The following CMTM3 variants were observed in gnomAD, a reference collection of about 807,000 sequenced individuals.
CMTM3 encodes CKLF like MARVEL transmembrane domain containing 3, also known as CKLF-like MARVEL transmembrane domain-containing protein 3.
Under a neutral mutation model 18.2 loss-of-function variants are expected in CMTM3, and 7 were observed. That is an observed-to-expected ratio of 0.38 (90% CI 0.22 to 0.72). The LOEUF (loss-of-function observed/expected upper bound fraction) is 0.72. Among genes scored for constraint, CMTM3 ranks in the 30% least tolerant of loss-of-function variants. The pLI is 0.46. For missense variants in CMTM3, 227 were observed against 249.2 expected (o/e 0.91, Z 0.60); for synonymous variants, 109 against 111.2 (o/e 0.98, Z 0.12).
rs745992939 is a variant in CMTM3 at position 66,612,669 on chromosome 16, A to G, written c.*32A>G. ...GGCGGGTGCCTTGGCAACCTGAGCC[A>G]CACAGGCCTCCACCCCTGCGCCTCA... On this transcript the variant is annotated 3_prime_UTR_variant, in exon 5 of 5. Transcript: ENST00000567572. The surrounding 1 kb of genome is among the most constrained non-coding windows in gnomAD (Gnocchi z 6.0). The G allele has an allele frequency of 1.4e-5, 22 of 1,611,542 alleles. No homozygotes were observed. Among genetic ancestry groups the G allele is most frequent in the Non-Finnish European group, 1.7e-5 (20 of 1,178,176 alleles).
rs2015079581 is a variant in CMTM3, at chr16:66,604,972, C to T, written c.147+20C>T. 2 of 1,475,326 alleles carry T rather than the reference C, an allele frequency of 1.4e-6. No homozygotes were observed. Among genetic ancestry groups the T allele is most frequent in the Non-Finnish European group, 1.8e-6 (2 of 1,121,598 alleles). 91.4% of individuals were successfully genotyped at this position (1,475,326 alleles called of 1,614,324 possible). ...GAGTCGGTGAGTGCGGCGGGACCCT[C>T]GGCCGCCCCGCTAGGACTGCGCGGC... On this transcript the variant is annotated intron_variant, in intron 1 of 4. Transcript: ENST00000567572.
Position 66,608,508 on chromosome 16 carries a change from T to G in CMTM3, c.303+44T>G, listed in dbSNP as rs1487620082. The G allele has an allele frequency of 6.2e-7, 1 of 1,603,864 alleles. No individual in the cohort carries two copies. The highest frequency in any genetic ancestry group is 8.5e-7 in the Non-Finnish European group (1 of 1,175,324). ...GGAGGGAGGGGTGCCCTGCACAAAGTGGCCAGATGAGGAGTCCAGAGTCGT... is the reference window on the plus strand; with the variant it reads ...GGAGGGAGGGGTGCCCTGCACAAAGGGGCCAGATGAGGAGTCCAGAGTCGT... On this transcript the variant is annotated intron_variant, in intron 2 of 4. Coordinates refer to ENST00000567572, the MANE Select transcript of CMTM3 (RefSeq NM_181553.4). The surrounding 1 kb of genome is among the most constrained non-coding windows in gnomAD (Gnocchi z 5.1).
Position 66,608,196 on chromosome 16 carries a change from T to G in CMTM3, c.148-113T>G. On this transcript the variant is annotated intron_variant, in intron 1 of 4. Transcript: ENST00000567572. The surrounding 1 kb of genome is among the most constrained non-coding windows in gnomAD (Gnocchi z 5.1). ...TTCCCAGCTGCGGGACTGTGAGCAGTTGGCTTCCCCTGCTGGAACCTCCTC... is the reference window on the plus strand; with the variant it reads ...TTCCCAGCTGCGGGACTGTGAGCAGGTGGCTTCCCCTGCTGGAACCTCCTC... 1 of 1,167,296 alleles carries G rather than the reference T, an allele frequency of 8.6e-7. No individual in the cohort carries two copies. Among genetic ancestry groups the G allele is most frequent in the Non-Finnish European group, 1.2e-6 (1 of 809,900 alleles). The allele number at this position is 1,167,296 out of a possible 1,614,324, so 72.3% of individuals were successfully genotyped here.
At position 66,612,602 on chromosome 16, in the gene CMTM3, C is replaced by A. The variant is rs1162825937; in HGVS notation, c.521-7C>A. 7.4e-6 allele frequency: 12 copies of A among 1,613,918 alleles called. No homozygotes were observed. Among genetic ancestry groups the A allele is most frequent in the Non-Finnish European group, 9.3e-6 (11 of 1,179,986 alleles). ...CCTGCCAAGCATCCTCTCTGCTTTC[C>A]TTTCAGAAGAGAATTCCGACTCGGA... On this transcript the variant is annotated splice_region_variant and splice_polypyrimidine_tract_variant and intron_variant, in intron 4 of 4. Coordinates refer to ENST00000567572, the MANE Select transcript of CMTM3 (RefSeq NM_181553.4). The surrounding 1 kb of genome is among the most constrained non-coding windows in gnomAD (Gnocchi z 6.0).
rs2015427541 is a variant in CMTM3 at position 66,612,711 on chromosome 16, TG to T, written c.*76del. 6.1e-6 allele frequency: 9 copies of T among 1,467,408 alleles called. No individual in the cohort carries two copies. The South Asian group carries it at 8.1e-5, about 13-fold the overall frequency. 90.9% of individuals were successfully genotyped at this position (1,467,408 alleles called of 1,614,324 possible). ...TGCGCCTCACAGGGGTCGCTGGCGT[TG>T]GAGCGGAGGCCTGGACTTCTGAGTT... On this transcript the variant is annotated 3_prime_UTR_variant, in exon 5 of 5. Transcript: ENST00000567572. The surrounding 1 kb of genome is among the most constrained non-coding windows in gnomAD (Gnocchi z 6.0).
At chr16:66,611,361 G>A (rs907550002) in intron 4 of CMTM3, among the ~76,000 whole-genome samples, 1 of 152,104 alleles carries the variant, frequency 6.6e-6, no homozygotes, top group Non-Finnish European at 1.5e-5. Flanking sequence ...GCTGAGGCAG[G>A]AGAATCACCT....
In CMTM3 at chr16:66,613,010, TG is replaced by T; in HGVS notation, c.*374del. On this transcript the variant is annotated 3_prime_UTR_variant, in exon 5 of 5. Transcript: ENST00000567572. ...TAGGTGGCGGGGGTCGGGGGTCTTC[TG>T]TTTCACTAACAGGAACAAAGACAGA... is the stretch of plus-strand genomic sequence containing the variant. 1 of 702,092 alleles carries T rather than the reference TG, an allele frequency of 1.4e-6. No individual in the cohort carries two copies. Among genetic ancestry groups the T allele is most frequent in the Non-Finnish European group, 2.6e-6 (1 of 384,296 alleles). 43.5% of individuals were successfully genotyped at this position (702,092 alleles called of 1,614,324 possible).
Position 66,609,356 on chromosome 16 carries a change from C to T in CMTM3, c.304-79C>T, listed in dbSNP as rs768288339. ...CAGGTGCTAGGCCTGGGGCTGGGAA[C>T]ACGACCAGGCTGCCAGGCCTCCTCC... is the stretch of plus-strand genomic sequence containing the variant. On this transcript the variant is annotated intron_variant, in intron 2 of 4. Transcript: ENST00000567572. The surrounding 1 kb of genome is among the most constrained non-coding windows in gnomAD (Gnocchi z 4.4). The T allele has an allele frequency of 1.5e-6, 2 of 1,294,742 alleles. No individual in the cohort carries two copies. The highest frequency in any genetic ancestry group is 2.2e-6 in the Non-Finnish European group (2 of 918,090). 80.2% of individuals were successfully genotyped at this position (1,294,742 alleles called of 1,614,324 possible).
chr16:66,604,906 G>A lies in CMTM3; in HGVS notation c.101G>A (p.Arg34Gln). ...GGGCTCCGCGCCCTGCTGCCGGCGC[G>A]GGCTTTCCTCTGCTCTCTCAAAGGC... ...VPGLRALLPA[R>Q]AFLCSLKGRL... Residue 34 changes from arginine to glutamine, a missense_variant, in exon 1 of 5, where the codon CGG (arginine) becomes CAG (glutamine). Transcript: ENST00000567572. 3 of 1,464,808 alleles carry A rather than the reference G, an allele frequency of 2.0e-6. No homozygotes were observed. Among genetic ancestry groups the A allele is most frequent in the South Asian group, 1.3e-5 (1 of 75,808 alleles). 90.7% of individuals were successfully genotyped at this position (1,464,808 alleles called of 1,614,324 possible). A position where few individuals can be genotyped will look rare whatever the true frequency, so the allele number is the denominator to read the frequency against.
In CMTM3 at chr16:66,608,138, G is replaced by A. The variant is rs2015229715; in HGVS notation, c.148-171G>A. On this transcript the variant is annotated intron_variant, in intron 1 of 4. Transcript: ENST00000567572. The surrounding 1 kb of genome is among the most constrained non-coding windows in gnomAD (Gnocchi z 5.1). ...TAGGATTACAGGTGTGAGCCACTGT[G>A]CTTGGCCTGGGATTCTAATCTGGCT... Among the ~76,000 whole-genome samples, 1 of 152,220 alleles carries A rather than the reference G, an allele frequency of 6.6e-6. No homozygotes were observed. The highest frequency in any genetic ancestry group is 1.5e-5 in the Non-Finnish European group (1 of 68,044).
Position 66,612,694 on chromosome 16 carries a change from A to ACAGGGGTCGCTGGC in CMTM3, c.*58_*71dup. ...ACACAGGCCTCCACCCCTGCGCCTC[A>ACAGGGGTCGCTGGC]CAGGGGTCGCTGGCGTTGGAGCGGA... is the stretch of plus-strand genomic sequence containing the variant. On this transcript the variant is annotated 3_prime_UTR_variant, in exon 5 of 5. Transcript: ENST00000567572. This position sits in a 1 kb window ranked among gnomAD's most constrained non-coding sequence, Gnocchi z 6.0. 2 of 1,557,280 alleles carry ACAGGGGTCGCTGGC rather than the reference A, an allele frequency of 1.3e-6. No individual in the cohort carries two copies. The highest frequency in any genetic ancestry group is 1.8e-6 in the Non-Finnish European group (2 of 1,130,782).
intron 1 of CMTM3, among the ~76,000 whole-genome samples, chr16:66,607,655 G>A (rs534865557): frequency 2.6e-5 from 4 of 152,190 alleles, no homozygotes; most frequent in East Asian, 1.9e-4. Flanking sequence ...TTACTTTTTG[G>A]AAACTGGTTC....
At position 66,605,039 on chromosome 16, in the gene CMTM3, G is replaced by A; in HGVS notation, c.147+87G>A. 3.3e-6 allele frequency: 4 copies of A among 1,229,160 alleles called. No homozygotes were observed. The highest frequency in any genetic ancestry group is 4.2e-6 in the Non-Finnish European group (4 of 953,194). 76.1% of individuals were successfully genotyped at this position (1,229,160 alleles called of 1,614,324 possible). A position where few individuals can be genotyped will look rare whatever the true frequency, so the allele number is the denominator to read the frequency against. On this transcript the variant is annotated intron_variant, in intron 1 of 4. Transcript: ENST00000567572. This position sits in a 1 kb window ranked among gnomAD's most constrained non-coding sequence, Gnocchi z 4.6. ...CGTCGGGGCGCGGGTGGGGTCCGGG[G>A]GCGGCCGCCGTGCTCCGATACCCCC...
In CMTM3 at chr16:66,608,535, C is replaced by A; in HGVS notation, c.303+71C>A. ...GCCAGATGAGGAGTCCAGAGTCGTG[C>A]ACTTGGGCCCTTATCCTTTCTCTAG... On this transcript the variant is annotated intron_variant, in intron 2 of 4. Transcript: ENST00000567572. This position sits in a 1 kb window ranked among gnomAD's most constrained non-coding sequence, Gnocchi z 5.1. 6.7e-7 allele frequency: 1 copy of A among 1,489,594 alleles called. No individual in the cohort carries two copies. The highest frequency in any genetic ancestry group is 9.2e-7 in the Non-Finnish European group (1 of 1,085,070). The allele number at this position is 1,489,594 out of a possible 1,614,324, so 92.3% of individuals were successfully genotyped here.
intron 1 of CMTM3, among the ~76,000 whole-genome samples, chr16:66,606,888 G>T (rs892307641): frequency 1.8e-4 from 27 of 152,196 alleles, no homozygotes; most frequent in Non-Finnish European, 4.0e-4. Flanking sequence ...AGCTACTCGG[G>T]AAGGCTGAGG....
At position 66,613,190 on chromosome 16, in the gene CMTM3, G is replaced by T; in HGVS notation, c.*553G>T. ...TTCATTCTTGAAGCAGGGAGAAATT[G>T]ACCTTTGCCTTGTCGCCCAGGAAGT... On this transcript the variant is annotated 3_prime_UTR_variant, in exon 5 of 5. Transcript: ENST00000567572. 1 of 698,296 alleles carries T rather than the reference G, an allele frequency of 1.4e-6. No individual in the cohort carries two copies. Among genetic ancestry groups the T allele is most frequent in the Non-Finnish European group, 2.6e-6 (1 of 381,812 alleles). 43.3% of individuals were successfully genotyped at this position (698,296 alleles called of 1,614,324 possible).
In CMTM3 at chr16:66,612,573, G is replaced by A. The variant is rs1206081533; in HGVS notation, c.521-36G>A. ...CCGTTCCCAGGCACCGCTGCCCTGA[G>A]CCTCCTGCCAAGCATCCTCTCTGCT... On this transcript the variant is annotated intron_variant, in intron 4 of 4. Transcript: ENST00000567572. The surrounding 1 kb of genome is among the most constrained non-coding windows in gnomAD (Gnocchi z 6.0). 1.2e-6 allele frequency: 2 copies of A among 1,612,784 alleles called. No individual in the cohort carries two copies. The highest frequency in any genetic ancestry group is 2.2e-5 in the South Asian group (2 of 90,794).
chr16:66,608,236 G>A lies in CMTM3; in HGVS notation c.148-73G>A. The A allele has an allele frequency of 6.5e-7, 1 of 1,546,218 alleles. No homozygotes were observed. ...GGAACCTCCTCTATCCTGACCACAG[G>A]GCCTGGCTCAGAGGAGCACTGGACA... On this transcript the variant is annotated intron_variant, in intron 1 of 4. Coordinates refer to ENST00000567572, the MANE Select transcript of CMTM3 (RefSeq NM_181553.4). The surrounding 1 kb of genome is among the most constrained non-coding windows in gnomAD (Gnocchi z 5.1).
chr16:66,609,188 A>T lies in CMTM3; in HGVS notation c.304-247A>T, dbSNP rs561900988. On this transcript the variant is annotated intron_variant, in intron 2 of 4. Transcript: ENST00000567572. The surrounding 1 kb of genome is among the most constrained non-coding windows in gnomAD (Gnocchi z 4.4). ...GGGCAGGCTGCACCCTGATCCACACAGTTTTTTGCCCAGAGCTTAGGACAG... is the reference window on the plus strand; with the variant it reads ...GGGCAGGCTGCACCCTGATCCACACTGTTTTTTGCCCAGAGCTTAGGACAG... Among the ~76,000 whole-genome samples, 1 of 152,292 alleles carries T rather than the reference A, an allele frequency of 6.6e-6. No homozygotes were observed. The highest frequency in any genetic ancestry group is 2.1e-4 in the South Asian group (1 of 4,828).
Sources: allele counts gnomAD v4.1 joint callset (sites outside exome capture counted in the v4.1 genomes callset), GRCh38; gene constraint gnomAD v4.1.1; non-coding constraint Gnocchi (gnomAD v3.1); transcripts MANE v1.5; gene names NCBI Gene and HGNC (gene_info 2026-07-23, HGNC 2026-07-21).